The following PISD variants were observed in gnomAD, a reference collection of about 807,000 sequenced individuals.
The protein encoded by PISD is phosphatidylserine decarboxylase proenzyme, mitochondrial.
Under a neutral mutation model 43.5 loss-of-function variants are expected in PISD, and 31 were observed. That is an observed-to-expected ratio of 0.71 (90% CI 0.54 to 0.96). PISD has a LOEUF of 0.96. PISD is among the 40% of genes least tolerant of loss of function. The probability of loss-of-function intolerance (pLI) is 0.00; values close to 1 mark genes in which losing one functional copy is unlikely to be tolerated. For missense variants in PISD, 523 were observed against 548.4 expected (o/e 0.95, Z 0.46); for synonymous variants, 259 against 228.7 (o/e 1.13, Z -1.20).
intron 1 of PISD, among the ~76,000 whole-genome samples, chr22:31,660,253 G>A (rs984530352): frequency 6.6e-6 from 1 of 151,936 alleles, no homozygotes; most frequent in Non-Finnish European, 1.5e-5. Flanking sequence ...CTCACCCACT[G>A]CATCTAAGTC....
intron 2 of PISD, among the ~76,000 whole-genome samples, chr22:31,650,002 C>T (rs1298506111): frequency 6.6e-6 from 1 of 152,194 alleles, no homozygotes; most frequent in Non-Finnish European, 1.5e-5. Context: ...ACCCTGACAC[C>T]TTGATCTCAG....
rs765513527 is a variant in PISD, at chr22:31,630,055, G to A, written c.322-8170C>T. On this transcript the variant is annotated intron_variant, in intron 3 of 7. Transcript: ENST00000439502. The surrounding 1 kb of genome is among the most constrained non-coding windows in gnomAD (Gnocchi z 4.4). ...TGAGGCCTGGCCACCATGCAGCGGCGTGCGTCTAGTGGGGCGACAACCCTG... is the reference window on the plus strand; with the variant it reads ...TGAGGCCTGGCCACCATGCAGCGGCATGCGTCTAGTGGGGCGACAACCCTG... 1.3e-5 allele frequency: 2 copies of A among 152,164 alleles called. No individual in the cohort carries two copies. The highest frequency in any genetic ancestry group is 3.9e-4 in the East Asian group (2 of 5,174). 9.4% of individuals were successfully genotyped at this position (152,164 alleles called of 1,614,324 possible). A position where few individuals can be genotyped will look rare whatever the true frequency, so the allele number is the denominator to read the frequency against.
rs746848491 is a variant in PISD, at chr22:31,662,186, C to G, written c.23G>C (p.Arg8Pro). The G allele has an allele frequency of 5.1e-5, 82 of 1,605,214 alleles. No individual in the cohort carries two copies. The highest frequency in any genetic ancestry group is 7.0e-5 in the Non-Finnish European group (82 of 1,179,834). ...GACCCCGTGCAGTAATCCCAGACATCGGTGCCCCACGGACGTCGCCATCTT... is the reference window on the plus strand; with the variant it reads ...GACCCCGTGCAGTAATCCCAGACATGGGTGCCCCACGGACGTCGCCATCTT... MATSVGH[R>P]CLGLLHGVAP... Residue 8 changes from arginine (R) to proline (P), a missense_variant, in exon 1 of 8, where the codon CGA becomes CCA. Coordinates refer to ENST00000439502, the MANE Select transcript of PISD (RefSeq NM_001326411.2).
chr22:31,626,170 T>C, intron 3 of PISD: 1 of 520,660 alleles, frequency 1.9e-6, no homozygotes, highest in Non-Finnish European at 2.8e-6. Flanking sequence ...CAGCCTGCAC[T>C]GCTCATCCTC....
rs1424145335 is a variant in PISD at position 31,621,699 on chromosome 22, G to A, written c.508C>T (p.Arg170Trp). The A allele has an allele frequency of 2.5e-5, 40 of 1,613,852 alleles. No homozygotes were observed. The highest frequency in any genetic ancestry group is 3.1e-5 in the Non-Finnish European group (36 of 1,180,014). The change falls in exon 4 of 8, where the codon CGG (arginine) becomes TGG (tryptophan). Residue 170 changes from arginine (R) to tryptophan (W), a missense_variant. Transcript: ENST00000439502. The stretch of plus-strand genomic sequence containing the variant: ...CGGGCCTGCGGCTTCAGCTTGCGCC[G>A]GAAGAACTCGCTGAGGTTGCGGTAG... The part of the protein sequence containing the change: ...HHYRNLSEFF[R>W]RKLKPQARPV...
chr22:31,620,491 C>CCT (rs1198386159), intron 7 of PISD, 62 bp downstream of exon 7: 2 of 1,545,820 alleles, frequency 1.3e-6, no homozygotes, highest in Non-Finnish European at 1.8e-6. Context: ...GCACAGCAGA[C>CCT]AAGGCAGGTA....
At chr22:31,656,068 T>C (rs1159271560) in intron 1 of PISD, among the ~76,000 whole-genome samples, 2 of 151,696 alleles carry the variant, frequency 1.3e-5, no homozygotes, top group Non-Finnish European at 2.9e-5. Context: ...CTGAGGCAGG[T>C]GGATCACCTG....
intron 3 of PISD, chr22:31,623,674 G>A: frequency 7.4e-6 from 12 of 1,610,932 alleles, no homozygotes; most frequent in Non-Finnish European, 1.0e-5. Flanking sequence ...AGGGGCCTGT[G>A]CACACTTACC....
chr22:31,661,320 A>G (rs1201373350), intron 1 of PISD, among the ~76,000 whole-genome samples: 2 of 152,226 alleles, frequency 1.3e-5, no homozygotes, highest in Non-Finnish European at 2.9e-5. Context: ...TGTAGGAAAC[A>G]CACAAGTATG....
At chr22:31,626,698 C>G (rs927060744) in intron 3 of PISD, among the ~76,000 whole-genome samples, 5 of 152,246 alleles carry the variant, frequency 3.3e-5, no homozygotes, top group Non-Finnish European at 5.9e-5. Flanking sequence ...GGCCAGGGCC[C>G]CAGCCTGGCT....
rs370526379 is a variant in PISD, at chr22:31,621,675, G to A, written c.532C>T (p.Arg178Trp). The change falls in exon 4 of 8, where the codon CGG (arginine) becomes TGG (tryptophan). Residue 178 changes from arginine (R) to tryptophan (W), a missense_variant. Physicochemically the swap from Arg to Trp is moderately radical, Grantham distance 101. Coordinates refer to ENST00000439502, the MANE Select transcript of PISD (RefSeq NM_001326411.2). ...ACGCTGTGCAGGCCACAGACAGGCCGGGCCTGCGGCTTCAGCTTGCGCCGG... is the reference window on the plus strand; with the variant it reads ...ACGCTGTGCAGGCCACAGACAGGCCAGGCCTGCGGCTTCAGCTTGCGCCGG... Reference protein sequence around the residue: ...FFRRKLKPQARPVCGLHSVIS... With the variant: ...FFRRKLKPQAWPVCGLHSVIS... 77 of 1,613,652 alleles carry A rather than the reference G, an allele frequency of 4.8e-5. No individual in the cohort carries two copies. The highest frequency in any genetic ancestry group is 5.8e-5 in the Non-Finnish European group (69 of 1,179,902).
chr22:31,630,958 C>A lies in PISD; in HGVS notation c.322-9073G>T, dbSNP rs2073180052. On this transcript the variant is annotated intron_variant, in intron 3 of 7. Coordinates refer to ENST00000439502, the MANE Select transcript of PISD (RefSeq NM_001326411.2). The surrounding 1 kb of genome is among the most constrained non-coding windows in gnomAD (Gnocchi z 4.4). The stretch of plus-strand genomic sequence containing the variant: ...CCCCAGCCACCCTTAAAGCTGCCGC[C>A]CCCTCTGAGCCCCAGTCCTGCTGGG... The A allele has an allele frequency of 1.4e-6, 1 of 691,790 alleles. No individual in the cohort carries two copies. The highest frequency in any genetic ancestry group is 1.9e-5 in the African/African-American group (1 of 51,762). 42.9% of individuals were successfully genotyped at this position (691,790 alleles called of 1,614,324 possible).
chr22:31,633,741 A>C (rs1159738630), intron 3 of PISD, among the ~76,000 whole-genome samples: 1 of 151,910 alleles, frequency 6.6e-6, no homozygotes, highest in African/African-American at 2.4e-5. Flanking sequence ...ACAAACAAAC[A>C]AACGAAACCC....
intron 3 of PISD, among the ~76,000 whole-genome samples, chr22:31,636,226 C>T (rs184203469): frequency 1.1e-3 from 161 of 152,302 alleles, no homozygotes; most frequent in African/African-American, 3.8e-3. Flanking sequence ...TGGTGGTAGA[C>T]CAGACAGGCT....
chr22:31,637,803 A>T (rs1426628457), intron 3 of PISD, among the ~76,000 whole-genome samples: 4 of 152,226 alleles, frequency 2.6e-5, no homozygotes, highest in Non-Finnish European at 5.9e-5. Flanking sequence ...CTCACCCGGC[A>T]CTGGCTATCT....
rs750875431 is a variant in PISD, at chr22:31,648,274, C to T, written c.148G>A (p.Ala50Thr). 4.1e-5 allele frequency: 66 copies of T among 1,602,102 alleles called. No individual in the cohort carries two copies. Among genetic ancestry groups the T allele is most frequent in the Non-Finnish European group, 5.1e-5 (60 of 1,175,156 alleles). The change falls in exon 3 of 8, where the codon GCC becomes ACC. Residue 50 changes from alanine to threonine, a missense_variant and splice_region_variant. Transcript: ENST00000439502. ...KLPFRAFRTD[A>T]RKIHTAPART... ...GCAGGGGCAGTGTGGATTTTTCTGG[C>T]ATCTGTAATAAAAAACAGGACAATT... is the stretch of plus-strand genomic sequence containing the variant.
rs1041575157 is a variant in PISD at position 31,658,707 on chromosome 22, A to AT, written c.65+3436dup. Among the ~76,000 whole-genome samples, 6 of 151,656 alleles carry AT rather than the reference A, an allele frequency of 4.0e-5. No homozygotes were observed. In the East Asian group the frequency reaches 1.2e-3, roughly 29 times the overall value. On this transcript the variant is annotated intron_variant, in intron 1 of 7. Coordinates refer to ENST00000439502, the MANE Select transcript of PISD (RefSeq NM_001326411.2). The stretch of plus-strand genomic sequence containing the variant: ...TGGGACCACAGATGTGCACCCAGCC[A>AT]TTTTTTGCGGAGAGGAGGTCTCACT...
At chr22:31,658,213 C>T (rs372083522) in intron 1 of PISD, among the ~76,000 whole-genome samples, 9 of 152,272 alleles carry the variant, frequency 5.9e-5, no homozygotes, top group African/African-American at 2.2e-4. Context: ...CATTCTACAT[C>T]GCATCCTTCA....
chr22:31,657,963 T>C (rs1357897992), intron 1 of PISD, among the ~76,000 whole-genome samples: 3 of 152,240 alleles, frequency 2.0e-5, no homozygotes, highest in East Asian at 3.8e-4. Context: ...AGTGAGAACA[T>C]GCAAAGTTTG....
Sources: gnomAD v4.1 joint callset for allele counts (sites outside exome capture counted in the v4.1 genomes callset) on GRCh38, gnomAD v4.1.1 for gene constraint, Gnocchi (gnomAD v3.1) non-coding constraint, MANE v1.5 for transcripts, NCBI Gene and HGNC (gene_info 2026-07-23, HGNC 2026-07-21) for gene names.